Variants in CDKAL1 observed in about 807,000 individuals in gnomAD.
CDKAL1 encodes the protein threonylcarbamoyladenosine tRNA methylthiotransferase.
CDKAL1 carries 32 observed loss-of-function variants against 68.2 expected under a neutral mutation model. The observed-to-expected ratio is 0.47, with a 90% CI of 0.35 to 0.63. The LOEUF (loss-of-function observed/expected upper bound fraction) is 0.63. Ranked by LOEUF, CDKAL1 falls within the 30% of genes least tolerant of loss-of-function variation. The pLI, the probability that CDKAL1 is intolerant of heterozygous loss-of-function variation, is 0.00. For missense variants in CDKAL1, 606 were observed against 696.7 expected (o/e 0.87, Z 1.47); for synonymous variants, 234 against 244.3 (o/e 0.96, Z 0.39).
At chr6:20,873,770 G>A (rs1760344783) in intron 9 of CDKAL1, among the ~76,000 whole-genome samples, 1 of 152,106 alleles carries the variant, frequency 6.6e-6, no homozygotes, top group South Asian at 2.1e-4. Context: ...TACAATTTTT[G>A]TAACCTTGCT....
At chr6:20,902,212 A>G (rs1762022498) in intron 9 of CDKAL1, among the ~76,000 whole-genome samples, 1 of 152,088 alleles carries the variant, frequency 6.6e-6, no homozygotes. Context: ...TGCATTTCCA[A>G]AGGATCAGTA....
chr6:20,934,678 C>T (rs1035607745), intron 9 of CDKAL1, among the ~76,000 whole-genome samples: 2 of 151,906 alleles, frequency 1.3e-5, no homozygotes, highest in African/African-American at 4.8e-5. Flanking sequence ...CACCCCATCT[C>T]TACAAAAACT....
chr6:20,935,085 G>A (rs1461683474), intron 9 of CDKAL1, among the ~76,000 whole-genome samples: 5 of 151,828 alleles, frequency 3.3e-5, no homozygotes, highest in East Asian at 3.9e-4. Context: ...TAGTAGAGAC[G>A]GGGTTACACC....
chr6:20,572,783 T>A (rs1191780405), intron 4 of CDKAL1, among the ~76,000 whole-genome samples: 2 of 143,174 alleles, frequency 1.4e-5, no homozygotes. Flanking sequence ...TTCAGTTATA[T>A]TATTTTTAGA....
At chr6:20,620,262 T>G (rs939707667) in intron 4 of CDKAL1, among the ~76,000 whole-genome samples, 1 of 152,210 alleles carries the variant, frequency 6.6e-6, no homozygotes, top group African/African-American at 2.4e-5. Context: ...CAATGTATAT[T>G]TAACAAGATA....
At position 20,898,394 on chromosome 6, in the gene CDKAL1, A is replaced by T. The variant is rs988079587; in HGVS notation, c.742+52216A>T. ...TTGTGTAGCCGTCTCCGGTTGGGAT[A>T]CTCTGAATGAGATGTGTAGGCATGC... On this transcript the variant is annotated intron_variant, in intron 9 of 15. Transcript: ENST00000274695. 2.0e-5 allele frequency among the ~76,000 whole-genome samples: 3 copies of T among 148,754 alleles called. No homozygotes were observed. In the Admixed American group the frequency reaches 2.1e-4, roughly 10 times the overall value.
chr6:21,151,367 C>T (rs1171155327), intron 13 of CDKAL1, among the ~76,000 whole-genome samples: 1 of 152,192 alleles, frequency 6.6e-6, no homozygotes, highest in East Asian at 1.9e-4. Context: ...TGTTACCTAG[C>T]TCTGGGAAGC....
intron 11 of CDKAL1, among the ~76,000 whole-genome samples, chr6:21,038,950 C>T (rs187832255): frequency 2.6e-5 from 4 of 152,154 alleles, no homozygotes; most frequent in Non-Finnish European, 5.9e-5. Flanking sequence ...TGTGAATATT[C>T]AAGAGCCAGT....
intron 8 of CDKAL1, among the ~76,000 whole-genome samples, chr6:20,845,230 A>G (rs2150492964): frequency 6.6e-6 from 1 of 152,300 alleles, no homozygotes; most frequent in East Asian, 1.9e-4. Flanking sequence ...ATAGCAATCG[A>G]ATCACTGAAG....
chr6:21,105,760 A>G (rs1408514826), intron 12 of CDKAL1, among the ~76,000 whole-genome samples: 1 of 152,198 alleles, frequency 6.6e-6, no homozygotes, highest in African/African-American at 2.4e-5. Flanking sequence ...ATCAGAATAG[A>G]AACAGAAGCA....
chr6:20,769,980 C>A (rs1199148778), intron 7 of CDKAL1, among the ~76,000 whole-genome samples: 2 of 152,006 alleles, frequency 1.3e-5, no homozygotes, highest in African/African-American at 4.8e-5. Context: ...TTTTCTGATA[C>A]CTGTTGTTTA....
At chr6:20,651,132 A>C (rs1768749534) in intron 5 of CDKAL1, among the ~76,000 whole-genome samples, 2 of 152,194 alleles carry the variant, frequency 1.3e-5, no homozygotes, top group Admixed American at 1.3e-4. Flanking sequence ...TGAATCTACA[A>C]ATTACTTTGG....
chr6:21,084,249 A>G (rs1393955652), intron 12 of CDKAL1, among the ~76,000 whole-genome samples: 1 of 152,182 alleles, frequency 6.6e-6, no homozygotes, highest in Non-Finnish European at 1.5e-5. Context: ...TATTTCTAAT[A>G]GTTTTAAGTC....
chr6:20,587,816 T>C (rs1437332745), intron 4 of CDKAL1, among the ~76,000 whole-genome samples: 1 of 145,862 alleles, frequency 6.9e-6, no homozygotes, highest in Non-Finnish European at 1.5e-5. Flanking sequence ...CCCCCAGAAG[T>C]TGGGTACTGT....
Position 20,937,475 on chromosome 6 carries a change from C to T in CDKAL1, c.743-17944C>T, listed in dbSNP as rs150462107. Among the ~76,000 whole-genome samples the T allele has an allele frequency of 9.9e-5, 15 of 152,266 alleles. No individual in the cohort carries two copies. The East Asian group carries it at 2.9e-3, about 29-fold the overall frequency. ...AAAATACTATTATGTAATCTGCAGA[C>T]CCTATCCAAATTTCACCCATTGTTT... On this transcript the variant is annotated intron_variant, in intron 9 of 15. Transcript: ENST00000274695.
At chr6:20,947,936 G>A (rs978022978) in intron 9 of CDKAL1, among the ~76,000 whole-genome samples, 1 of 148,588 alleles carries the variant, frequency 6.7e-6, no homozygotes, top group Non-Finnish European at 1.5e-5. Flanking sequence ...GCTTGTATAA[G>A]TTTTAAAGAC....
chr6:21,037,029 T>A (rs1297703385), intron 11 of CDKAL1, among the ~76,000 whole-genome samples: 1 of 152,200 alleles, frequency 6.6e-6, no homozygotes, highest in Non-Finnish European at 1.5e-5. Flanking sequence ...TGGAGATGTA[T>A]CTTCTAGAAC....
chr6:20,991,706 C>CAA (rs35504365), intron 10 of CDKAL1, among the ~76,000 whole-genome samples: 10,717 of 59,224 alleles, frequency 0.18, 1,053 homozygotes, highest in East Asian at 0.24. Context: ...TATTCCCTCT[C>CAA]AAAAAAAAAA....
chr6:20,998,146 C>T (rs1305781748), intron 10 of CDKAL1, among the ~76,000 whole-genome samples: 2 of 152,128 alleles, frequency 1.3e-5, no homozygotes, highest in Admixed American at 1.3e-4. Flanking sequence ...CTTTAGAAAA[C>T]AAAGATCTTT....
Sources: gnomAD v4.1 joint callset for allele counts (sites outside exome capture counted in the v4.1 genomes callset) on GRCh38, gnomAD v4.1.1 for gene constraint, MANE v1.5 for transcripts, NCBI Gene and HGNC (gene_info 2026-07-23, HGNC 2026-07-21) for gene names.